The following CASP9 variants were observed in gnomAD, a reference collection of about 807,000 sequenced individuals.
CASP9 encodes caspase-9.
CASP9 carries 29 observed loss-of-function variants against 43.5 expected under a neutral mutation model. That is an observed-to-expected ratio of 0.67 (90% CI 0.50 to 0.91). CASP9 has a LOEUF of 0.91. CASP9 is among the 40% of genes least tolerant of loss of function. The pLI is 0.00. For synonymous variants in CASP9, 206 were observed against 211.9 expected (o/e 0.97, Z 0.24); for missense variants, 575 against 537.4 (o/e 1.07, Z -0.69).
chr1:15,524,453 A>T, upstream of CASP9: 1 of 813,286 alleles, frequency 1.2e-6, no homozygotes, highest in Non-Finnish European at 1.5e-6. Context: ...CAAGCCTCCC[A>T]TCACCGCGCC....
At chr1:15,502,732 GACTA>G (rs1197217476) in intron 6 of CASP9, among the ~76,000 whole-genome samples, 1 of 152,184 alleles carries the variant, frequency 6.6e-6, no homozygotes, top group Non-Finnish European at 1.5e-5. Flanking sequence ...GCACAAGACT[GACTA>G]ACTGTCCAGA....
chr1:15,504,734 C>T lies in CASP9; in HGVS notation c.745G>A (p.Ala249Thr). Reference sequence around the variant, plus strand: ...GGGCATCCATCTGTGCCGTAGACAGCCCCTGGGAACTGCAGGTGGCTGGCC... The same window carrying T: ...GGGCATCCATCTGTGCCGTAGACAGTCCCTGGGAACTGCAGGTGGCTGGCC... ...CQASHLQFPG[A>T]VYGTDGCPVS... Residue 249 changes from alanine (A) to threonine (T), a missense_variant, in exon 6 of 9, where the codon GCT (alanine) becomes ACT (threonine). Physicochemically the swap from Ala to Thr is moderately conservative, Grantham distance 58. Coordinates refer to ENST00000333868, the MANE Select transcript of CASP9 (RefSeq NM_001229.5). The T allele has an allele frequency of 6.2e-7, 1 of 1,613,628 alleles. No individual in the cohort carries two copies. The highest frequency in any genetic ancestry group is 8.5e-7 in the Non-Finnish European group (1 of 1,179,782).
At chr1:15,517,590 A>C (rs1169943236) in intron 2 of CASP9, among the ~76,000 whole-genome samples, 1 of 152,196 alleles carries the variant, frequency 6.6e-6, no homozygotes, top group Non-Finnish European at 1.5e-5. Context: ...ACCTTTGGCA[A>C]AGTGTTTAAT....
At chr1:15,493,407 G>A (rs889698946) in intron 8 of CASP9, 238 of 1,225,022 alleles carry the variant, frequency 1.9e-4, no homozygotes, top group Non-Finnish European at 2.3e-4. Flanking sequence ...GCTCTGAGTC[G>A]GGTTTCTATG....
At chr1:15,509,460 CAAAAAAAAAAA>C (rs563284288) in intron 2 of CASP9, among the ~76,000 whole-genome samples, 7 of 105,670 alleles carry the variant, frequency 6.6e-5, no homozygotes, top group Admixed American at 4.3e-4. Context: ...ACTAAAAATA[CAAAAAAAAAAA>C]AAAAAAAAGA....
At chr1:15,497,578 G>A (rs899987302) in intron 6 of CASP9, among the ~76,000 whole-genome samples, 4 of 151,714 alleles carry the variant, frequency 2.6e-5, no homozygotes, top group African/African-American at 9.7e-5. Flanking sequence ...GGGAGTCAGA[G>A]GTTGCAGTGA....
chr1:15,508,313 C>T (rs1378390531), intron 2 of CASP9, among the ~76,000 whole-genome samples: 1 of 152,216 alleles, frequency 6.6e-6, no homozygotes, highest in Non-Finnish European at 1.5e-5. Flanking sequence ...ATACAGGAGA[C>T]AGAAAGAAAT....
intron 2 of CASP9, among the ~76,000 whole-genome samples, chr1:15,512,094 T>C (rs1709776057): frequency 1.3e-5 from 2 of 152,086 alleles, no homozygotes; most frequent in African/African-American, 4.8e-5. Flanking sequence ...GACCCTGAGT[T>C]GTAATGGGAG....
upstream of CASP9, chr1:15,524,866 C>T (rs369265398): frequency 2.8e-5 from 23 of 826,410 alleles, no homozygotes; most frequent in South Asian, 1.1e-3. Flanking sequence ...GCGCCTCGCG[C>T]CGACCCCAGA....
rs1230545939 is a variant in CASP9, at chr1:15,493,053, G to A, written c.1159-18C>T. 1 of 1,613,692 alleles carries A rather than the reference G, an allele frequency of 6.2e-7. No homozygotes were observed. The highest frequency in any genetic ancestry group is 1.1e-5 in the South Asian group (1 of 91,086). ...TTAGCGACCTGTAAGACATGACCAT[G>A]GAGAGCTCTGTGAGTTCAGTTCTCT... On this transcript the variant is annotated intron_variant, in intron 8 of 8. Coordinates refer to ENST00000333868, the MANE Select transcript of CASP9 (RefSeq NM_001229.5).
chr1:15,506,153 A>ATGC (rs1709511848), intron 4 of CASP9, 74 bp from the exon 5 acceptor site: 1 of 1,027,482 alleles, frequency 9.7e-7, no homozygotes, highest in African/African-American at 1.6e-5. Flanking sequence ...CCTAACAATA[A>ATGC]AAGGGCCCAG....
At chr1:15,524,636 C>T (rs1268857277), upstream of CASP9, 20 of 1,050,000 alleles carry the variant, frequency 1.9e-5, no homozygotes, top group Non-Finnish European at 2.3e-5. Flanking sequence ...GACGCATCTC[C>T]AACGCCTCGC....
chr1:15,507,947 T>A, intron 2 of CASP9, 40 bp from the exon 3 acceptor site: 4 of 1,610,290 alleles, frequency 2.5e-6, no homozygotes, highest in Non-Finnish European at 3.4e-6. Context: ...AATGTTGGGT[T>A]ACAGCAGAGG....
At chr1:15,511,712 T>C (rs1709763056) in intron 2 of CASP9, among the ~76,000 whole-genome samples, 1 of 152,318 alleles carries the variant, frequency 6.6e-6, no homozygotes, top group Middle Eastern at 3.4e-3. Flanking sequence ...CCTACCTAGA[T>C]ACCTTTATCA....
Position 15,518,236 on chromosome 1 carries a change from A to G in CASP9, c.292T>C (p.Leu98=). The change falls in exon 2 of 9, where the codon TTG becomes CTG. Residue 98 remains leucine (L), a synonymous_variant. Transcript: ENST00000333868. ...FLRTNRQAAK[L]SKPTLENLTP... is the part of the protein sequence containing the mutation. ...AGGTTTTCTAGGGTTGGCTTCGACAACTTTGCTGCTTGCCTGTTAGTTCGC... is the reference window on the plus strand; with the variant it reads ...AGGTTTTCTAGGGTTGGCTTCGACAGCTTTGCTGCTTGCCTGTTAGTTCGC... 5 of 1,614,176 alleles carry G rather than the reference A, an allele frequency of 3.1e-6. No individual in the cohort carries two copies. Among genetic ancestry groups the G allele is most frequent in the Non-Finnish European group, 4.2e-6 (5 of 1,180,030 alleles).
chr1:15,494,912 CAACTACTACGTGCCCCGCACTGT>C (rs1467892406), intron 7 of CASP9, among the ~76,000 whole-genome samples: 1 of 149,756 alleles, frequency 6.7e-6, no homozygotes, highest in Non-Finnish European at 1.5e-5. Context: ...CCGCTTGCTG[CAACTACTACGTGCCCCGCACTGT>C]GCTCAGTGAC....
Position 15,518,409 on chromosome 1 carries a change from A to G in CASP9, c.133-14T>C. 1 of 1,605,658 alleles carries G rather than the reference A, an allele frequency of 6.2e-7. No homozygotes were observed. Among genetic ancestry groups the G allele is most frequent in the Non-Finnish European group, 8.5e-7 (1 of 1,175,174 alleles). ...AGAGCCTGCCCGCTGTTTGGAAAGA[A>G]AGGCAGGATACTAATTATCCACGTA... On this transcript the variant is annotated splice_polypyrimidine_tract_variant and intron_variant, in intron 1 of 8. Coordinates refer to ENST00000333868, the MANE Select transcript of CASP9 (RefSeq NM_001229.5).
rs529442786 is a variant in CASP9 at position 15,507,603 on chromosome 1, G to C, written c.453+270C>G. Among the ~76,000 whole-genome samples, 6 of 152,378 alleles carry C rather than the reference G, an allele frequency of 3.9e-5. No individual in the cohort carries two copies. In the South Asian group the frequency reaches 1.2e-3, roughly 32 times the overall value. On this transcript the variant is annotated intron_variant, in intron 3 of 8. Transcript: ENST00000333868. ...ACACAATAAATACTTGTGAATGAGA[G>C]AGTGGCGACTTGGTCTGGATCCCGA...
At position 15,495,351 on chromosome 1, in the gene CASP9, T is replaced by A. The variant is rs773006717; in HGVS notation, c.970A>T (p.Arg324Trp). The change falls in exon 7 of 9, where the codon AGG becomes TGG. Residue 324 changes from arginine (R) to tryptophan (W), a missense_variant. Arg to Trp is a moderately radical substitution (Grantham distance 101). Transcript: ENST00000333868. Reference protein sequence around the residue: ...PDATPFQEGLRTFDQLDAISS... With the variant: ...PDATPFQEGLWTFDQLDAISS... Reference sequence around the variant, plus strand: ...ATGGCGTCCAGCTGGTCGAAGGTCCTCAAACCTTCCTGGAACGGGGTGGCA... The same window carrying A: ...ATGGCGTCCAGCTGGTCGAAGGTCCACAAACCTTCCTGGAACGGGGTGGCA... The A allele has an allele frequency of 1.2e-6, 2 of 1,610,584 alleles. No homozygotes were observed. Among genetic ancestry groups the A allele is most frequent in the Non-Finnish European group, 1.7e-6 (2 of 1,178,892 alleles).
Sources: allele counts gnomAD v4.1 joint callset (sites outside exome capture counted in the v4.1 genomes callset), GRCh38; gene constraint gnomAD v4.1.1; transcripts MANE v1.5; gene names NCBI Gene and HGNC (gene_info 2026-07-23, HGNC 2026-07-21).